Variants in NUMB observed in about 807,000 individuals in gnomAD.
NUMB encodes the protein NUMB endocytic adaptor protein, also known as protein numb homolog.
Under a neutral mutation model 59.7 loss-of-function variants are expected in NUMB, and 29 were observed. The ratio of observed to expected loss-of-function variants is 0.49; its 90% CI spans 0.36 to 0.66. The LOEUF is 0.66. Among genes scored for constraint, NUMB ranks in the 30% least tolerant of loss-of-function variants. NUMB has a pLI of 0.00. For missense variants in NUMB, 723 were observed against 822.0 expected, an observed-to-expected ratio of 0.88 and a Z score of 1.47; for synonymous variants, 288 against 288.2, an observed-to-expected ratio of 1.00 and a Z score of 0.01.
At chr14:73,368,466 C>T (rs978909655) in intron 2 of NUMB, among the ~76,000 whole-genome samples, 5 of 151,908 alleles carry the variant, frequency 3.3e-5, no homozygotes, top group Non-Finnish European at 5.9e-5. Context: ...GTAATCAATC[C>T]CAGCTACTCG....
chr14:73,275,662 GA>G lies in NUMB; in HGVS notation c.*915del, dbSNP rs748404229. 7 of 152,090 alleles carry G rather than the reference GA, an allele frequency of 4.6e-5. No individual in the cohort carries two copies. The highest frequency in any genetic ancestry group is 4.4e-5 in the Non-Finnish European group (3 of 68,014). The allele number at this position is 152,090 out of a possible 1,614,324, so 9.4% of individuals were successfully genotyped here. On this transcript the variant is annotated 3_prime_UTR_variant, in exon 13 of 13. Coordinates refer to ENST00000555238, the MANE Select transcript of NUMB (RefSeq NM_001005743.2). ...TGATTCCATTAAAATAATGACATTA[GA>G]ATTCCATCATAGGTTTAAAACCAGG...
chr14:73,446,524 G>C (rs924018290), intron 1 of NUMB, among the ~76,000 whole-genome samples: 1 of 151,362 alleles, frequency 6.6e-6, no homozygotes, highest in South Asian at 2.1e-4. Context: ...AGAATCACTT[G>C]AACTCGGGAG....
chr14:73,352,517 TA>T (rs1893432570), intron 4 of NUMB, among the ~76,000 whole-genome samples: 3 of 24,382 alleles, frequency 1.2e-4, no homozygotes, highest in African/African-American at 3.1e-4. Flanking sequence ...TATATATATA[TA>T]TATATATATA....
intron 1 of NUMB, among the ~76,000 whole-genome samples, chr14:73,416,762 A>C (rs1444890235): frequency 6.6e-6 from 1 of 152,110 alleles, no homozygotes; most frequent in Non-Finnish European, 1.5e-5. Context: ...GAATCACTTG[A>C]ACCTGGGAGG....
chr14:73,432,241 A>C (rs945543103), intron 1 of NUMB, among the ~76,000 whole-genome samples: 3 of 152,108 alleles, frequency 2.0e-5, no homozygotes, highest in African/African-American at 7.2e-5. Flanking sequence ...AGAGTAACAA[A>C]GTTTGGGGAG....
In NUMB at chr14:73,337,575, A is replaced by G. The variant is rs564673679; in HGVS notation, c.127-14371T>C. Among the ~76,000 whole-genome samples, 5 of 152,320 alleles carry G rather than the reference A, an allele frequency of 3.3e-5. No individual in the cohort carries two copies. The South Asian group carries it at 1.0e-3, about 32-fold the overall frequency. ...TTGCTTAATTTGAGAAACTGTGATA[A>G]GACTGAAAATGAGGCAAGAATACTT... On this transcript the variant is annotated intron_variant, in intron 4 of 12. Transcript: ENST00000555238.
At chr14:73,322,273 G>A (rs1281014771) in intron 5 of NUMB, among the ~76,000 whole-genome samples, 1 of 152,202 alleles carries the variant, frequency 6.6e-6, no homozygotes, top group East Asian at 1.9e-4. Context: ...CAAACCTATG[G>A]AAAATCTGAA....
intron 2 of NUMB, among the ~76,000 whole-genome samples, chr14:73,388,034 G>T (rs1390722543): frequency 6.6e-6 from 1 of 151,606 alleles, no homozygotes; most frequent in Non-Finnish European, 1.5e-5. Context: ...TTGAGACCAG[G>T]AGGTCAAGGC....
In NUMB at chr14:73,384,734, T is replaced by TGTTTG. The variant is rs1555376698; in HGVS notation, c.-100-17754_-100-17753insCAAAC. Among the ~76,000 whole-genome samples, 3 of 133,116 alleles carry TGTTTG rather than the reference T, an allele frequency of 2.3e-5. No individual in the cohort carries two copies. In the East Asian group the frequency reaches 1.2e-3, roughly 55 times the overall value. The allele number at this position is 133,116 out of a possible 152,430, so 87.3% of individuals were successfully genotyped here. On this transcript the variant is annotated intron_variant, in intron 2 of 12. Transcript: ENST00000555238. ...AGGCACGTGCCACCACGCCTGGCTT[T>TGTTTG]TTTGTTTGTTTGTTTGTTTGTTTGT... is the stretch of plus-strand genomic sequence containing the variant.
intron 2 of NUMB, among the ~76,000 whole-genome samples, chr14:73,395,037 T>TTATGTG (rs1230785169): frequency 0.042 from 5,042 of 119,972 alleles, 215 homozygotes; most frequent in East Asian, 0.14. Flanking sequence ...ATTCGTGTGT[T>TTATGTG]TGTGTGTGTG....
chr14:73,379,798 T>G (rs550937433), intron 2 of NUMB, among the ~76,000 whole-genome samples: 2 of 152,264 alleles, frequency 1.3e-5, no homozygotes, highest in East Asian at 3.9e-4. Flanking sequence ...GTGGGTACAA[T>G]ATACTAAGTG....
intron 1 of NUMB, among the ~76,000 whole-genome samples, chr14:73,448,162 C>T (rs780246871): frequency 1.3e-5 from 2 of 151,988 alleles, no homozygotes; most frequent in Non-Finnish European, 2.9e-5. Flanking sequence ...ACTTACTTGG[C>T]TACTACAGGA....
In NUMB at chr14:73,381,800, A is replaced by G. The variant is rs147494646; in HGVS notation, c.-100-14819T>C. On this transcript the variant is annotated intron_variant, in intron 2 of 12. Transcript: ENST00000555238. ...GTTTTATTATAAATTAATATTGTTT[A>G]AAAATGAATAAATAGTAATAAATAA... is the stretch of plus-strand genomic sequence containing the variant. Among the ~76,000 whole-genome samples the G allele has an allele frequency of 3.4e-4, 51 of 152,238 alleles. 1 individual carries two copies. In the East Asian group the frequency reaches 9.4e-3, roughly 28 times the overall value.
At chr14:73,301,119 G>C (rs1277279262) in intron 6 of NUMB, among the ~76,000 whole-genome samples, 2 of 152,230 alleles carry the variant, frequency 1.3e-5, no homozygotes, top group Non-Finnish European at 2.9e-5. Context: ...ATCTGGAACA[G>C]AGTAGCAGTT....
chr14:73,282,470 A>C lies in NUMB; in HGVS notation c.985T>G (p.Ser329Ala). The C allele has an allele frequency of 6.2e-7, 1 of 1,614,084 alleles. No individual in the cohort carries two copies. The highest frequency in any genetic ancestry group is 2.2e-5 in the East Asian group (1 of 44,884). The stretch of plus-strand genomic sequence containing the variant: ...GCATTGGTGATCTGTGAGCACAGGG[A>C]GCTGATGCTCTCTGCCTCCCCTTCT... The part of the protein sequence containing the change: ...EVEGEAESIS[S>A]LCSQITNAFS... Residue 329 changes from serine to alanine, a missense_variant, in exon 11 of 13, where the codon TCC becomes GCC. Physicochemically the swap from Ser to Ala is moderately conservative, Grantham distance 99 (BLOSUM62 1). This residue lies in a region of NUMB where 317 missense variants were observed against 436.6 expected (regional missense o/e 0.73). Transcript: ENST00000555238.
chr14:73,455,781 A>G (rs1185554523), intron 1 of NUMB, among the ~76,000 whole-genome samples: 1 of 152,136 alleles, frequency 6.6e-6, no homozygotes, highest in African/African-American at 2.4e-5. Context: ...TTTTCTATAC[A>G]TGAAATTTTC....
chr14:73,371,931 GT>G (rs1432875204), intron 2 of NUMB, among the ~76,000 whole-genome samples: 2 of 151,726 alleles, frequency 1.3e-5, no homozygotes, highest in Admixed American at 1.3e-4. Flanking sequence ...GCACAAATGG[GT>G]TAAGAAAGAG....
chr14:73,364,677 C>T (rs1344750281), intron 3 of NUMB, among the ~76,000 whole-genome samples: 7 of 152,074 alleles, frequency 4.6e-5, no homozygotes, highest in Admixed American at 1.3e-4. Flanking sequence ...GTCCAGGCTA[C>T]AGTGCAGTGG....
At chr14:73,393,382 C>T (rs192078804) in intron 2 of NUMB, among the ~76,000 whole-genome samples, 2 of 152,240 alleles carry the variant, frequency 1.3e-5, no homozygotes, top group East Asian at 3.9e-4. Context: ...GTAACTCTGA[C>T]AACTAATTGT....
Sources: gnomAD v4.1 joint callset for allele counts (sites outside exome capture counted in the v4.1 genomes callset) on GRCh38, gnomAD v4.1.1 for gene constraint, gnomAD v4.1.1 regional missense constraint, MANE v1.5 for transcripts, NCBI Gene and HGNC (gene_info 2026-07-23, HGNC 2026-07-21) for gene names.